Variants in NOS1AP observed in about 807,000 individuals in gnomAD.
The protein encoded by NOS1AP is nitric oxide synthase 1 adaptor protein.
Under a neutral mutation model 56.2 loss-of-function variants are expected in NOS1AP, and 21 were observed. The ratio of observed to expected loss-of-function variants is 0.37; its 90% CI spans 0.26 to 0.54. The LOEUF (loss-of-function observed/expected upper bound fraction) is 0.54, where lower values mean the gene tolerates loss of function less well. NOS1AP is among the 20% of genes least tolerant of loss of function. The pLI is 0.84. For missense variants in NOS1AP, 522 were observed against 657.8 expected (o/e 0.79, Z 2.26); for synonymous variants, 270 against 274.6 (o/e 0.98, Z 0.17).
chr1:162,242,558 A>G (rs1322634026), intron 2 of NOS1AP, among the ~76,000 whole-genome samples: 1 of 152,156 alleles, frequency 6.6e-6, no homozygotes, highest in Non-Finnish European at 1.5e-5. Context: ...GACCCATCAA[A>G]ATTTCAGATG....
At chr1:162,362,444 C>A (rs1442939614) in intron 8 of NOS1AP, among the ~76,000 whole-genome samples, 12 of 134,408 alleles carry the variant, frequency 8.9e-5, no homozygotes, top group African/African-American at 2.2e-4. Context: ...GAGTGAGTCT[C>A]AAAAAAAAAA....
intron 9 of NOS1AP, among the ~76,000 whole-genome samples, chr1:162,365,827 A>G (rs1396684672): frequency 6.6e-6 from 1 of 152,144 alleles, no homozygotes; most frequent in East Asian, 1.9e-4. Context: ...CTATGTGCTC[A>G]TCCAGTCTCT....
At chr1:162,071,361 A>G (rs1691656389) in intron 1 of NOS1AP, among the ~76,000 whole-genome samples, 1 of 152,230 alleles carries the variant, frequency 6.6e-6, no homozygotes, top group African/African-American at 2.4e-5. Context: ...GGCTGTTAGC[A>G]TCTCACGAAA....
intron 2 of NOS1AP, among the ~76,000 whole-genome samples, chr1:162,201,273 G>A (rs1651982957): frequency 1.3e-5 from 2 of 152,158 alleles, no homozygotes; most frequent in Admixed American, 1.3e-4. Context: ...ATTCCATGGT[G>A]TATATGTGCC....
chr1:162,360,849 C>T, intron 8 of NOS1AP: 1 of 456,672 alleles, frequency 2.2e-6, no homozygotes, highest in Non-Finnish European at 4.4e-6. Flanking sequence ...CTCTCCACTG[C>T]CATTTCCATG....
chr1:162,076,172 G>T (rs1013194691), intron 1 of NOS1AP, among the ~76,000 whole-genome samples: 1 of 151,974 alleles, frequency 6.6e-6, no homozygotes, highest in Non-Finnish European at 1.5e-5. Context: ...TACCTTTGTT[G>T]CCTTGAGGAT....
At position 162,291,057 on chromosome 1, in the gene NOS1AP, C is replaced by T. The variant is rs145829254; in HGVS notation, c.270+3621C>T. Among the ~76,000 whole-genome samples the T allele has an allele frequency of 2.7e-4, 41 of 151,674 alleles. 1 individual carries two copies. Among genetic ancestry groups the T allele is most frequent in the African/African-American group, 9.7e-4 (40 of 41,418 alleles). On this transcript the variant is annotated intron_variant, in intron 3 of 9. Transcript: ENST00000361897. ...AAAAAAAACCCACAAAAGACAGCCC[C>T]TGGAGTCTGAGTGGGTCACTATGTT... is the stretch of plus-strand genomic sequence containing the variant.
rs145662320 is a variant in NOS1AP at position 162,346,008 on chromosome 1, G to C, written c.595+2032G>C. 8.0e-4 allele frequency among the ~76,000 whole-genome samples: 122 copies of C among 152,340 alleles called. 1 individual carries two copies. Among genetic ancestry groups the C allele is most frequent in the African/African-American group, 2.8e-3 (115 of 41,586 alleles). On this transcript the variant is annotated intron_variant, in intron 6 of 9. Coordinates refer to ENST00000361897, the MANE Select transcript of NOS1AP (RefSeq NM_014697.3). ...TGTGCTTATAATAGGTAAAACTCAT[G>C]TTCAAATAAGTGCCTGAGCGGATCA... is the stretch of plus-strand genomic sequence containing the variant.
rs1406923606 is a variant in NOS1AP, at chr1:162,356,998, C to A, written c.801C>A (p.Pro267=). 6.2e-7 allele frequency: 1 copy of A among 1,614,158 alleles called. No individual in the cohort carries two copies. Among genetic ancestry groups the A allele is most frequent in the Non-Finnish European group, 8.5e-7 (1 of 1,180,044 alleles). The change falls in exon 8 of 10, where the codon CCC becomes CCA. Residue 267 remains proline (P), a synonymous_variant. Coordinates refer to ENST00000361897, the MANE Select transcript of NOS1AP (RefSeq NM_014697.3). ...AGGAGCCCATGCTGACAGCCTCACCCAGGATGCTGCTCCCTTCTTCTTCCT... is the reference window on the plus strand; with the variant it reads ...AGGAGCCCATGCTGACAGCCTCACCAAGGATGCTGCTCCCTTCTTCTTCCT... ...HPQEPMLTAS[P]RMLLPSSSSK...
chr1:162,246,523 C>T (rs986455176), intron 2 of NOS1AP, among the ~76,000 whole-genome samples: 2 of 152,140 alleles, frequency 1.3e-5, no homozygotes, highest in Non-Finnish European at 2.9e-5. Context: ...ATAATTCTTG[C>T]TCTCCAGGAG....
At chr1:162,117,934 T>C (rs1318817628) in intron 1 of NOS1AP, among the ~76,000 whole-genome samples, 2 of 152,204 alleles carry the variant, frequency 1.3e-5, no homozygotes, top group Non-Finnish European at 2.9e-5. Context: ...CAGGTCCACA[T>C]ATCTGTCTTT....
At chr1:162,365,086 G>GCA in intron 8 of NOS1AP, 2 of 1,324,212 alleles carry the variant, frequency 1.5e-6, no homozygotes, top group Non-Finnish European at 9.7e-7. Flanking sequence ...GTGCACGTGT[G>GCA]TGTGTACGTG....
At chr1:162,324,852 G>A (rs961835225) in intron 4 of NOS1AP, among the ~76,000 whole-genome samples, 2 of 152,040 alleles carry the variant, frequency 1.3e-5, no homozygotes, top group Admixed American at 6.6e-5. Context: ...ACTGTCTCTC[G>A]AGGTCTCTCC....
intron 2 of NOS1AP, among the ~76,000 whole-genome samples, chr1:162,234,863 A>G (rs1421825593): frequency 2.0e-5 from 3 of 152,160 alleles, no homozygotes; most frequent in Non-Finnish European, 2.9e-5. Flanking sequence ...GCCACATAGA[A>G]GAGGCTGTTG....
intron 6 of NOS1AP, among the ~76,000 whole-genome samples, chr1:162,344,796 T>C (rs983271131): frequency 3.3e-5 from 5 of 151,966 alleles, no homozygotes; most frequent in African/African-American, 1.2e-4. Flanking sequence ...ATATTGTTTA[T>C]GTTAATTTTT....
chr1:162,237,559 T>C (rs1571151038), intron 2 of NOS1AP, among the ~76,000 whole-genome samples: 1 of 152,264 alleles, frequency 6.6e-6, no homozygotes, highest in Non-Finnish European at 1.5e-5. Context: ...ATCTGGACTT[T>C]AACACACCTA....
chr1:162,315,800 A>T lies in NOS1AP; in HGVS notation c.344+15094A>T, dbSNP rs547073726. On this transcript the variant is annotated intron_variant, in intron 4 of 9. Coordinates refer to ENST00000361897, the MANE Select transcript of NOS1AP (RefSeq NM_014697.3). ...TTTCAACGTTTATTGTAAATAACAC[A>T]TCCACCAGGAATGCTTTCCTGATTT... 8.1e-4 allele frequency among the ~76,000 whole-genome samples: 123 copies of T among 152,346 alleles called. No homozygotes were observed. In the South Asian group the frequency reaches 0.023, roughly 28 times the overall value.
intron 2 of NOS1AP, among the ~76,000 whole-genome samples, chr1:162,173,522 G>C (rs1352548095): frequency 6.6e-6 from 1 of 152,220 alleles, no homozygotes; most frequent in African/African-American, 2.4e-5. Context: ...AGGACTTCAT[G>C]TCTAAAACAC....
Position 162,367,221 on chromosome 1 carries a change from G to A in NOS1AP, c.1275G>A (p.Leu425=), listed in dbSNP as rs879200476. 6.2e-7 allele frequency: 1 copy of A among 1,613,910 alleles called. No homozygotes were observed. Among genetic ancestry groups the A allele is most frequent in the Non-Finnish European group, 8.5e-7 (1 of 1,179,976 alleles). ...AGSPLGRRDC[L]VKLECFRFLP... The stretch of plus-strand genomic sequence containing the variant: ...GCCCCTTAGGTAGGCGCGACTGCTT[G>A]GTGAAGCTGGAGTGCTTTCGCTTTC... Residue 425 remains leucine, a synonymous_variant, in exon 10 of 10, where the codon TTG becomes TTA. Transcript: ENST00000361897. The surrounding 1 kb of genome is among the most constrained non-coding windows in gnomAD (Gnocchi z 6.5).
Sources: gnomAD v4.1 joint callset for allele counts (sites outside exome capture counted in the v4.1 genomes callset) on GRCh38, gnomAD v4.1.1 for gene constraint, Gnocchi (gnomAD v3.1) non-coding constraint, MANE v1.5 for transcripts, NCBI Gene and HGNC (gene_info 2026-07-23, HGNC 2026-07-21) for gene names.